SLC9A9: variants seen among roughly 807,000 people sequenced by gnomAD.
SLC9A9 encodes the protein solute carrier family 9 member A9.
In SLC9A9, 62 loss-of-function variants were observed where a neutral mutation model predicts 77.8. The observed-to-expected ratio is 0.80, with a 90% CI of 0.65 to 0.98. The LOEUF (loss-of-function observed/expected upper bound fraction) is 0.98, where lower values mean the gene tolerates loss of function less well. SLC9A9 is among the 50% of genes least tolerant of loss of function. SLC9A9 has a pLI of 0.00. For synonymous variants in SLC9A9, 320 were observed against 283.5 expected, an observed-to-expected ratio of 1.13 and a Z score of -1.29; for missense variants, 775 against 774.9, an observed-to-expected ratio of 1.00 and a Z score of 0.00.
chr3:143,519,429 G>C (rs1357913596), intron 9 of SLC9A9, among the ~76,000 whole-genome samples: 1 of 152,180 alleles, frequency 6.6e-6, no homozygotes, highest in East Asian at 1.9e-4. Context: ...AGAAAGGTTG[G>C]AGCAAGAAGT....
At chr3:143,428,423 C>A (rs2034446144) in intron 12 of SLC9A9, among the ~76,000 whole-genome samples, 2 of 152,078 alleles carry the variant, frequency 1.3e-5, no homozygotes, top group African/African-American at 4.8e-5. Context: ...AAAGACCTCC[C>A]CACCCCAGAA....
chr3:143,357,464 G>T (rs1477175362), intron 14 of SLC9A9, among the ~76,000 whole-genome samples: 1 of 152,072 alleles, frequency 6.6e-6, no homozygotes. Flanking sequence ...TCTCCTGCTT[G>T]CTACTGAAAG....
In SLC9A9 at chr3:143,800,876, C is replaced by T. The variant is rs377248355; in HGVS notation, c.379-3973G>A. Among the ~76,000 whole-genome samples, 19 of 152,282 alleles carry T rather than the reference C, an allele frequency of 1.2e-4. No individual in the cohort carries two copies. In the East Asian group the frequency reaches 2.1e-3, roughly 17 times the overall value. ...CTCAAATTTCTTCTCCATCCGTTACCTGTCTTGGCATAATTCTTCATAAAA... is the reference window on the plus strand; with the variant it reads ...CTCAAATTTCTTCTCCATCCGTTACTTGTCTTGGCATAATTCTTCATAAAA... On this transcript the variant is annotated intron_variant, in intron 2 of 15. Coordinates refer to ENST00000316549, the MANE Select transcript of SLC9A9 (RefSeq NM_173653.4).
At chr3:143,498,482 A>T (rs1483643662) in intron 9 of SLC9A9, among the ~76,000 whole-genome samples, 1 of 150,964 alleles carries the variant, frequency 6.6e-6, no homozygotes, top group Non-Finnish European at 1.5e-5. Context: ...TGAACCCAGG[A>T]GGTGGACGCT....
At chr3:143,422,268 A>G (rs1223974344) in intron 12 of SLC9A9, among the ~76,000 whole-genome samples, 4 of 152,240 alleles carry the variant, frequency 2.6e-5, no homozygotes, top group African/African-American at 9.6e-5. Context: ...AAAGGAAAAT[A>G]AATTGTTCTA....
At chr3:143,565,863 A>T (rs2037159749) in intron 8 of SLC9A9, among the ~76,000 whole-genome samples, 1 of 152,118 alleles carries the variant, frequency 6.6e-6, no homozygotes, top group Non-Finnish European at 1.5e-5. Context: ...TGGAAGCTAA[A>T]ACTGGCCAGA....
At chr3:143,388,901 A>G (rs1412797264) in intron 12 of SLC9A9, among the ~76,000 whole-genome samples, 2 of 152,252 alleles carry the variant, frequency 1.3e-5, no homozygotes, top group Non-Finnish European at 2.9e-5. Context: ...TACGTTTCAC[A>G]GAGGAGATGG....
At chr3:143,592,230 C>T (rs1353087206) in intron 6 of SLC9A9, among the ~76,000 whole-genome samples, 9 of 152,172 alleles carry the variant, frequency 5.9e-5, no homozygotes, top group Admixed American at 5.2e-4. Context: ...GCACATGAAA[C>T]AAGAGGACCT....
intron 11 of SLC9A9, among the ~76,000 whole-genome samples, chr3:143,488,271 C>T (rs2035684152): frequency 6.6e-6 from 1 of 151,904 alleles, no homozygotes; most frequent in Non-Finnish European, 1.5e-5. Context: ...AAAATCTCCT[C>T]ACAAAGAAAA....
At chr3:143,689,094 A>G (rs746758562) in intron 5 of SLC9A9, among the ~76,000 whole-genome samples, 1 of 151,910 alleles carries the variant, frequency 6.6e-6, no homozygotes, top group Non-Finnish European at 1.5e-5. Flanking sequence ...TAAACCCCCC[A>G]AGTTTTTATT....
chr3:143,606,202 C>T (rs1345555843), intron 6 of SLC9A9, among the ~76,000 whole-genome samples: 4 of 151,958 alleles, frequency 2.6e-5, no homozygotes, highest in South Asian at 4.2e-4. Context: ...GTCAGGAGTT[C>T]GATACCAGCC....
intron 12 of SLC9A9, among the ~76,000 whole-genome samples, chr3:143,427,311 A>G (rs1373322577): frequency 6.6e-6 from 1 of 152,236 alleles, no homozygotes; most frequent in Admixed American, 6.5e-5. Flanking sequence ...TAAATCTAAG[A>G]AATGATACCA....
In SLC9A9 at chr3:143,693,307, C is replaced by A. The variant is rs541251714; in HGVS notation, c.534G>T (p.Gly178=). ...CCTTCACAAAACCATACATAATTAA[C>A]CTGTTGAAGAGAAAAACATGACCTT... ...LGTAISCIVI[G]LIMYGFVKAM... is the part of the protein sequence containing the mutation. The change falls in exon 5 of 16, where the codon GGG becomes GGT. Residue 178 remains glycine, a splice_region_variant and synonymous_variant. Transcript: ENST00000316549. 2 of 1,610,454 alleles carry A rather than the reference C, an allele frequency of 1.2e-6. No individual in the cohort carries two copies. Among genetic ancestry groups the A allele is most frequent in the African/African-American group, 1.3e-5 (1 of 74,924 alleles).
At chr3:143,468,428 A>T (rs1559929501) in intron 11 of SLC9A9, among the ~76,000 whole-genome samples, 1 of 152,218 alleles carries the variant, frequency 6.6e-6, no homozygotes, top group Non-Finnish European at 1.5e-5. Context: ...ACTTTGTTCC[A>T]TTGATCTATG....
chr3:143,786,477 C>G (rs1431529720), intron 4 of SLC9A9, among the ~76,000 whole-genome samples: 1 of 152,130 alleles, frequency 6.6e-6, no homozygotes, highest in Non-Finnish European at 1.5e-5. Context: ...GTGAATGATA[C>G]ACGGGCTCAC....
intron 11 of SLC9A9, among the ~76,000 whole-genome samples, chr3:143,479,848 T>C (rs186042147): frequency 6.6e-6 from 1 of 152,366 alleles, no homozygotes; most frequent in East Asian, 1.9e-4. Context: ...TCTGATAGAA[T>C]GTTTTCATGA....
intron 9 of SLC9A9, among the ~76,000 whole-genome samples, chr3:143,497,955 TG>T (rs1423148357): frequency 6.6e-6 from 1 of 152,194 alleles, no homozygotes; most frequent in Non-Finnish European, 1.5e-5. Context: ...AAAGTCGTTT[TG>T]TTTTGATTTT....
chr3:143,506,382 T>C (rs2036017344), intron 9 of SLC9A9, among the ~76,000 whole-genome samples: 1 of 152,230 alleles, frequency 6.6e-6, no homozygotes. Context: ...TATATAACTG[T>C]TAGAAATCCT....
intron 9 of SLC9A9, chr3:143,518,221 G>A (rs1194506894): frequency 4.4e-5 from 71 of 1,597,068 alleles, no homozygotes; most frequent in Non-Finnish European, 3.9e-5. Flanking sequence ...TCACTTTGCG[G>A]GGGTCCATGG....
Sources: gnomAD v4.1 joint callset for allele counts (sites outside exome capture counted in the v4.1 genomes callset) on GRCh38, gnomAD v4.1.1 for gene constraint, MANE v1.5 for transcripts, NCBI Gene and HGNC (gene_info 2026-07-23, HGNC 2026-07-21) for gene names.